The following EVL variants were observed in gnomAD, a reference collection of about 807,000 sequenced individuals.
EVL encodes the protein Enah/Vasp-like, also known as ena/VASP-like protein.
In EVL, 21 loss-of-function variants were observed where a neutral mutation model predicts 59.6. That is an observed-to-expected ratio of 0.35 (90% CI 0.25 to 0.51). The LOEUF is 0.51. EVL is among the 20% of genes least tolerant of loss of function. The probability of loss-of-function intolerance (pLI) is 0.97; values close to 1 mark genes in which losing one functional copy is unlikely to be tolerated. For synonymous variants in EVL, 198 were observed against 203.5 expected (o/e 0.97, Z 0.23); for missense variants, 462 against 546.6 (o/e 0.85, Z 1.54).
chr14:100,141,741 C>G lies in EVL; in HGVS notation c.1167C>G (p.Ile389Met), dbSNP rs770569557. 2 of 1,613,470 alleles carry G rather than the reference C, an allele frequency of 1.2e-6. No individual in the cohort carries two copies. The highest frequency in any genetic ancestry group is 3.3e-5 in the Admixed American group (2 of 60,008). The part of the protein sequence containing the change: ...AFDLDRMKQE[I>M]LEEVVRELHK... ...GGACACTCCTCTCCCAACAGGAGAT[C>G]CTAGAGGAGGTGGTGAGAGAGCTCC... Residue 389 changes from isoleucine to methionine, a missense_variant, in exon 13 of 14, where the codon ATC becomes ATG. Ile to Met is a conservative substitution (Grantham distance 10). Coordinates refer to ENST00000392920, the MANE Select transcript of EVL (RefSeq NM_016337.3).
intron 1 of EVL, among the ~76,000 whole-genome samples, chr14:100,028,715 G>A (rs949713622): frequency 4.6e-5 from 7 of 152,300 alleles, no homozygotes; most frequent in South Asian, 2.1e-4. Flanking sequence ...GGAGGCTGAC[G>A]CAGGAGAATT....
At chr14:100,020,343 G>A (rs1595568363) in intron 1 of EVL, among the ~76,000 whole-genome samples, 1 of 152,118 alleles carries the variant, frequency 6.6e-6, no homozygotes, top group African/African-American at 2.4e-5. Context: ...GTATATAAAT[G>A]TGGGAAGGGA....
At chr14:100,112,204 A>G (rs1298266322) in intron 3 of EVL, among the ~76,000 whole-genome samples, 2 of 152,236 alleles carry the variant, frequency 1.3e-5, no homozygotes, top group Non-Finnish European at 2.9e-5. Flanking sequence ...CAGAAAGCCA[A>G]CTGCTGAACT....
At chr14:100,078,071 G>A (rs910015674) in intron 1 of EVL, among the ~76,000 whole-genome samples, 1 of 152,196 alleles carries the variant, frequency 6.6e-6, no homozygotes, top group Admixed American at 6.5e-5. Flanking sequence ...ACTGCGCCCG[G>A]CCATGCATAC....
chr14:100,132,390 C>T (rs1406414349), intron 7 of EVL, among the ~76,000 whole-genome samples: 1 of 152,048 alleles, frequency 6.6e-6, no homozygotes, highest in Non-Finnish European at 1.5e-5. Flanking sequence ...CCTTCAGTGT[C>T]CTGGGGACAG....
At chr14:100,034,349 T>C (rs2140222865) in intron 1 of EVL, among the ~76,000 whole-genome samples, 1 of 152,130 alleles carries the variant, frequency 6.6e-6, no homozygotes, top group Non-Finnish European at 1.5e-5. Flanking sequence ...GGAATGTTGA[T>C]TTTGCCCCCT....
intron 1 of EVL, among the ~76,000 whole-genome samples, chr14:100,083,792 T>C (rs1421580704): frequency 6.6e-6 from 1 of 152,238 alleles, no homozygotes; most frequent in Non-Finnish European, 1.5e-5. Flanking sequence ...TATCTGATGC[T>C]ACCCTAGCAT....
In EVL at chr14:100,049,661, A is replaced by G. The variant is rs74084465; in HGVS notation, c.6-35026A>G. ...TATTGAGATATAATATACATACCAT[A>G]AAATCCACCCTTTGAAAGTATACAA... On this transcript the variant is annotated intron_variant, in intron 1 of 13. Coordinates refer to the EVL transcript ENST00000402714. Among the ~76,000 whole-genome samples the G allele has an allele frequency of 0.012, 1,823 of 152,306 alleles. 99 individuals are homozygous for G. In the East Asian group the frequency reaches 0.18, roughly 15 times the overall value.
intron 1 of EVL, among the ~76,000 whole-genome samples, chr14:100,011,052 G>A (rs973933532): frequency 6.6e-6 from 1 of 152,324 alleles, no homozygotes; most frequent in East Asian, 1.9e-4. Context: ...TTCACTTGAA[G>A]ATTTTTATAA....
At chr14:100,062,441 A>C (rs2061853642), upstream of EVL, among the ~76,000 whole-genome samples, 1 of 151,894 alleles carries the variant, frequency 6.6e-6, no homozygotes. Flanking sequence ...AAAAAAAAAG[A>C]GGTATAGCTA....
At position 100,125,072 on chromosome 14, in the gene EVL, C is replaced by A. The variant is rs539830918; in HGVS notation, c.422+1470C>A. On this transcript the variant is annotated intron_variant, in intron 4 of 13. Transcript: ENST00000392920. ...GACACACACACACACACCTGCTCCA[C>A]GGTGGGACCACACACAGACACAGAC... Among the ~76,000 whole-genome samples, 30 of 145,514 alleles carry A rather than the reference C, an allele frequency of 2.1e-4. 1 individual carries two copies. In the East Asian group the frequency reaches 5.1e-3, roughly 25 times the overall value.
chr14:100,028,947 T>C (rs1030338261), intron 1 of EVL, among the ~76,000 whole-genome samples: 3 of 152,276 alleles, frequency 2.0e-5, no homozygotes, highest in African/African-American at 4.8e-5. Flanking sequence ...ACTGTCACTT[T>C]ATTTCTCTAG....
chr14:100,026,108 G>A (rs894841209), intron 1 of EVL, among the ~76,000 whole-genome samples: 25 of 151,798 alleles, frequency 1.6e-4, no homozygotes, highest in Admixed American at 7.2e-4. Flanking sequence ...AAAATTAGCC[G>A]GGCATGGTGA....
chr14:100,044,562 G>A (rs2061519414), intron 1 of EVL, among the ~76,000 whole-genome samples: 1 of 152,174 alleles, frequency 6.6e-6, no homozygotes, highest in Non-Finnish European at 1.5e-5. Flanking sequence ...TCCTCTGAGA[G>A]CTCACAGCAT....
chr14:99,991,933 A>C (rs562537552), intron 1 of EVL, among the ~76,000 whole-genome samples: 10 of 148,360 alleles, frequency 6.7e-5, no homozygotes, highest in East Asian at 5.9e-4. Context: ...TTTGCACCCT[A>C]ACCCCTGCAT....
intron 1 of EVL, among the ~76,000 whole-genome samples, chr14:100,080,132 G>A (rs1231945492): frequency 1.3e-5 from 2 of 151,890 alleles, no homozygotes; most frequent in Non-Finnish European, 1.5e-5. Context: ...TATACAGCAG[G>A]GGTGTCCGAT....
At chr14:100,132,802 CCTCA>C in intron 8 of EVL, 23 bp downstream of exon 8, 1 of 1,613,448 alleles carries the variant, frequency 6.2e-7, no homozygotes, top group Non-Finnish European at 8.5e-7. Context: ...CCCGCCCCAC[CCTCA>C]GGCTCCCCAC....
At chr14:100,128,078 C>T (rs1346526814) in intron 5 of EVL, among the ~76,000 whole-genome samples, 1 of 152,204 alleles carries the variant, frequency 6.6e-6, no homozygotes, top group African/African-American at 2.4e-5. Context: ...ACCCACAGGA[C>T]CTGCCACGGC....
intron 5 of EVL, 49 bp from the exon 6 acceptor site, chr14:100,128,470 G>GC: frequency 6.3e-7 from 1 of 1,592,052 alleles, no homozygotes; most frequent in Non-Finnish European, 8.6e-7. Flanking sequence ...AGCAGGCTTG[G>GC]CCCCCAGCTG....
Sources: allele counts gnomAD v4.1 joint callset (sites outside exome capture counted in the v4.1 genomes callset), GRCh38; gene constraint gnomAD v4.1.1; transcripts MANE v1.5; gene names NCBI Gene and HGNC (gene_info 2026-07-23, HGNC 2026-07-21).